XKR4: variants seen among roughly 807,000 people sequenced by gnomAD.
XKR4 encodes XK-related protein 4.
A neutral mutation model predicts 53.9 loss-of-function variants in XKR4; 12 were observed. The observed-to-expected ratio is 0.22, with a 90% CI of 0.14 to 0.36. The LOEUF (loss-of-function observed/expected upper bound fraction) is 0.36. Among genes scored for constraint, XKR4 ranks in the 10% least tolerant of loss-of-function variants. The pLI is 1.00. For missense variants in XKR4, 799 were observed against 859.5 expected, an observed-to-expected ratio of 0.93 and a Z score of 0.88; for synonymous variants, 354 against 362.4, an observed-to-expected ratio of 0.98 and a Z score of 0.26.
At chr8:55,297,577 G>C (rs570283843) in intron 1 of XKR4, among the ~76,000 whole-genome samples, 1 of 152,146 alleles carries the variant, frequency 6.6e-6, no homozygotes, top group African/African-American at 2.4e-5. Context: ...CAGGGGAAAG[G>C]TTACAGTTTC....
intron 2 of XKR4, among the ~76,000 whole-genome samples, chr8:55,365,032 A>G (rs1169837140): frequency 3.9e-5 from 6 of 152,248 alleles, no homozygotes; most frequent in Non-Finnish European, 8.8e-5. Context: ...CTGATGAAAT[A>G]TAGTGTGAAA....
At chr8:55,239,212 A>G (rs1302540675) in intron 1 of XKR4, among the ~76,000 whole-genome samples, 2 of 152,228 alleles carry the variant, frequency 1.3e-5, no homozygotes, top group Non-Finnish European at 2.9e-5. Flanking sequence ...AAACACTATT[A>G]GCTTCACCAT....
At chr8:55,181,096 G>A (rs893224168) in intron 1 of XKR4, among the ~76,000 whole-genome samples, 23 of 152,150 alleles carry the variant, frequency 1.5e-4, no homozygotes, top group African/African-American at 3.9e-4. Flanking sequence ...ACTATGTCTC[G>A]AGAGTAAATT....
At chr8:55,433,309 A>G (rs1805127909) in intron 2 of XKR4, among the ~76,000 whole-genome samples, 1 of 152,258 alleles carries the variant, frequency 6.6e-6, no homozygotes, top group Non-Finnish European at 1.5e-5. Flanking sequence ...AATGGCATAA[A>G]GTAATAGTGA....
Position 55,196,175 on chromosome 8 carries a change from C to CTT in XKR4, c.806+92900_806+92901dup, listed in dbSNP as rs1032613430. 3.3e-3 allele frequency among the ~76,000 whole-genome samples: 413 copies of CTT among 125,928 alleles called. 1 individual carries two copies. The highest frequency in any genetic ancestry group is 4.4e-3 in the Middle Eastern group (1 of 226). The allele number at this position is 125,928 out of a possible 152,430, so 82.6% of individuals were successfully genotyped here. ...AGGAACATGTGGGTGGTTGTGCTTC[C>CTT]TTTTTTTTTTTTTTTTTTTTGTTGA... On this transcript the variant is annotated intron_variant, in intron 1 of 2. Coordinates refer to ENST00000327381, the MANE Select transcript of XKR4 (RefSeq NM_052898.2).
At chr8:55,367,540 T>C (rs1310995511) in intron 2 of XKR4, among the ~76,000 whole-genome samples, 3 of 152,098 alleles carry the variant, frequency 2.0e-5, no homozygotes, top group Non-Finnish European at 4.4e-5. Flanking sequence ...TGAATGTGAG[T>C]AGATGATGCC....
At chr8:55,212,727 G>A (rs1229754032) in intron 1 of XKR4, among the ~76,000 whole-genome samples, 1 of 152,170 alleles carries the variant, frequency 6.6e-6, no homozygotes, top group Non-Finnish European at 1.5e-5. Flanking sequence ...GCTATTCATG[G>A]AATTCAGACA....
chr8:55,187,348 T>C (rs1445591950), intron 1 of XKR4, among the ~76,000 whole-genome samples: 1 of 149,302 alleles, frequency 6.7e-6, no homozygotes, highest in South Asian at 2.1e-4. Context: ...CTGCTATTGA[T>C]AGTGACACAA....
At chr8:55,414,517 A>T (rs1804817653) in intron 2 of XKR4, among the ~76,000 whole-genome samples, 1 of 149,318 alleles carries the variant, frequency 6.7e-6, no homozygotes, top group African/African-American at 2.4e-5. Flanking sequence ...TATATGTAAG[A>T]TATATAATCT....
chr8:55,512,791 G>C (rs1806649027), intron 2 of XKR4, among the ~76,000 whole-genome samples: 1 of 152,032 alleles, frequency 6.6e-6, no homozygotes, highest in Non-Finnish European at 1.5e-5. Context: ...CTCCATGGAT[G>C]GGCACGCCAG....
chr8:55,453,866 G>T, intron 2 of XKR4: 2 of 545,944 alleles, frequency 3.7e-6, no homozygotes, highest in Non-Finnish European at 7.1e-6. Context: ...AAACAGGTCC[G>T]TGGGGCAGTA....
At chr8:55,255,196 G>C (rs956162010) in intron 1 of XKR4, among the ~76,000 whole-genome samples, 1 of 152,164 alleles carries the variant, frequency 6.6e-6, no homozygotes, top group Admixed American at 6.5e-5. Context: ...CTGGATGGTA[G>C]AGTGCCTGGG....
intron 2 of XKR4, among the ~76,000 whole-genome samples, chr8:55,403,644 G>A (rs1380627896): frequency 6.6e-6 from 1 of 152,204 alleles, no homozygotes; most frequent in Non-Finnish European, 1.5e-5. Context: ...CTGTAAGCAA[G>A]GCTGGGGAAA....
At chr8:55,521,136 GCAGAAACC>G (rs1013664373) in intron 2 of XKR4, among the ~76,000 whole-genome samples, 5 of 152,244 alleles carry the variant, frequency 3.3e-5, no homozygotes, top group African/African-American at 1.2e-4. Context: ...GCGTTCCCGG[GCAGAAACC>G]CAGCTGGGCG....
intron 2 of XKR4, among the ~76,000 whole-genome samples, chr8:55,446,091 C>G (rs1179433045): frequency 6.6e-6 from 1 of 152,202 alleles, no homozygotes; most frequent in African/African-American, 2.4e-5. Context: ...ACTTTGTCCT[C>G]CTGCCTCACT....
chr8:55,133,289 A>G (rs1259114061), intron 1 of XKR4, among the ~76,000 whole-genome samples: 3 of 152,358 alleles, frequency 2.0e-5, no homozygotes, highest in East Asian at 3.9e-4. Flanking sequence ...TGCTCTGGCT[A>G]AAAACTGCTG....
chr8:55,367,754 C>A (rs1424120997), intron 2 of XKR4, among the ~76,000 whole-genome samples: 3 of 152,088 alleles, frequency 2.0e-5, no homozygotes, highest in African/African-American at 4.8e-5. Context: ...TTCCTCACCC[C>A]CGATCCAGTC....
intron 1 of XKR4, among the ~76,000 whole-genome samples, chr8:55,107,907 C>A (rs1208675913): frequency 1.3e-5 from 2 of 152,138 alleles, no homozygotes; most frequent in Non-Finnish European, 2.9e-5. Flanking sequence ...ACACTGAGCA[C>A]CTGCTATGTG....
chr8:55,452,851 G>A lies in XKR4; in HGVS notation c.1007-70430G>A, dbSNP rs895747905. On this transcript the variant is annotated intron_variant, in intron 2 of 2. Coordinates refer to ENST00000327381, the MANE Select transcript of XKR4 (RefSeq NM_052898.2). ...AGGTCACCCAGCTCCTGAAGCAGGC[G>A]GCTCTTGCTGCTGTCCAGAGGCAGC... 8.4e-5 allele frequency: 65 copies of A among 769,772 alleles called. 1 individual carries two copies. Among genetic ancestry groups the A allele is most frequent in the African/African-American group, 6.6e-4 (39 of 59,242 alleles). The allele number at this position is 769,772 out of a possible 1,614,324, so 47.7% of individuals were successfully genotyped here.
Sources: gnomAD v4.1 joint callset for allele counts (sites outside exome capture counted in the v4.1 genomes callset) on GRCh38, gnomAD v4.1.1 for gene constraint, MANE v1.5 for transcripts, NCBI Gene and HGNC (gene_info 2026-07-23, HGNC 2026-07-21) for gene names.